Variants in NIBAN1 observed in about 807,000 individuals in gnomAD.
NIBAN1 encodes niban apoptosis regulator 1, also known as protein Niban 1.
NIBAN1 carries 81 observed loss-of-function variants against 75.1 expected under a neutral mutation model. The ratio of observed to expected loss-of-function variants is 1.08; its 90% CI spans 0.90 to 1.30. The LOEUF (loss-of-function observed/expected upper bound fraction) is 1.30, where lower values mean the gene tolerates loss of function less well. Among genes scored for constraint, NIBAN1 ranks in the 50% most tolerant of loss-of-function variants. NIBAN1 has a pLI of 0.00. For missense variants in NIBAN1, 1,133 were observed against 1,128.1 expected, an observed-to-expected ratio of 1.00 and a Z score of -0.06; for synonymous variants, 436 against 424.8, an observed-to-expected ratio of 1.03 and a Z score of -0.32.
intron 1 of NIBAN1, among the ~76,000 whole-genome samples, chr1:184,904,346 A>G (rs1657033121): frequency 6.6e-6 from 1 of 152,086 alleles, no homozygotes; most frequent in African/African-American, 2.4e-5. Flanking sequence ...TTTTCTTTAT[A>G]AATTACCCAG....
intron 9 of NIBAN1, among the ~76,000 whole-genome samples, chr1:184,810,963 C>T (rs1654360138): frequency 6.6e-6 from 1 of 152,246 alleles, no homozygotes. Flanking sequence ...ATTGATCTCT[C>T]AGAGCGGCTG....
chr1:184,957,085 T>A (rs906490424), intron 1 of NIBAN1, among the ~76,000 whole-genome samples: 48 of 152,112 alleles, frequency 3.2e-4, no homozygotes, highest in Non-Finnish European at 8.8e-5. Context: ...ACAAAAAGAC[T>A]CCCACCATCG....
Position 184,792,243 on chromosome 1 carries a change from A to G in NIBAN1, c.*2734T>C, listed in dbSNP as rs529170823. The G allele has an allele frequency of 2.0e-5, 3 of 152,338 alleles. No homozygotes were observed. Among genetic ancestry groups the G allele is most frequent in the African/African-American group, 4.8e-5 (2 of 41,570 alleles). 9.4% of individuals were successfully genotyped at this position (152,338 alleles called of 1,614,324 possible). On this transcript the variant is annotated 3_prime_UTR_variant, in exon 14 of 14. Transcript: ENST00000367511. ...GGTGTAAGCTACCACATCCAGCCCAAAAACTTGTCTTTAGTGAAATATGTA... is the reference window on the plus strand; with the variant it reads ...GGTGTAAGCTACCACATCCAGCCCAGAAACTTGTCTTTAGTGAAATATGTA...
chr1:184,815,962 T>C (rs1410466689), intron 9 of NIBAN1, among the ~76,000 whole-genome samples: 1 of 152,216 alleles, frequency 6.6e-6, no homozygotes, highest in Non-Finnish European at 1.5e-5. Flanking sequence ...ATACTTTAAA[T>C]TCTCTTGTGA....
chr1:184,813,001 T>A (rs1557873756), intron 9 of NIBAN1, among the ~76,000 whole-genome samples: 1 of 152,210 alleles, frequency 6.6e-6, no homozygotes, highest in Non-Finnish European at 1.5e-5. Context: ...ATAAGAAATT[T>A]TAAAAATACT....
intron 9 of NIBAN1, among the ~76,000 whole-genome samples, chr1:184,811,771 C>A (rs77059836): frequency 0.086 from 13,043 of 152,116 alleles, 1,804 homozygotes; most frequent in African/African-American, 0.3. Flanking sequence ...GGATTACAGG[C>A]CTGAGCCACT....
chr1:184,830,402 C>T (rs1654965078), intron 6 of NIBAN1, among the ~76,000 whole-genome samples: 1 of 152,066 alleles, frequency 6.6e-6, no homozygotes, highest in African/African-American at 2.4e-5. Flanking sequence ...GGCTGTGCTT[C>T]CCCAAAATAT....
intron 10 of NIBAN1, among the ~76,000 whole-genome samples, chr1:184,807,820 C>A (rs1654248613): frequency 6.6e-6 from 1 of 152,174 alleles, no homozygotes; most frequent in African/African-American, 2.4e-5. Flanking sequence ...GGTTACAGCA[C>A]TGATTTGACA....
intron 1 of NIBAN1, among the ~76,000 whole-genome samples, chr1:184,915,308 TTA>T (rs1332166447): frequency 6.6e-6 from 1 of 152,240 alleles, no homozygotes; most frequent in Non-Finnish European, 1.5e-5. Context: ...GGCCAGTTTG[TTA>T]TATTCAATAG....
At chr1:184,892,347 T>A (rs185852917) in intron 3 of NIBAN1, among the ~76,000 whole-genome samples, 1 of 152,174 alleles carries the variant, frequency 6.6e-6, no homozygotes. Context: ...CAAGGGCGCC[T>A]ATCTAGTAAG....
intron 9 of NIBAN1, among the ~76,000 whole-genome samples, chr1:184,814,778 G>A (rs1654481305): frequency 6.6e-6 from 1 of 152,142 alleles, no homozygotes; most frequent in Non-Finnish European, 1.5e-5. Context: ...GAACTCCATG[G>A]TCTAAGTCAA....
At chr1:184,914,393 T>A (rs1657326679) in intron 1 of NIBAN1, among the ~76,000 whole-genome samples, 1 of 152,152 alleles carries the variant, frequency 6.6e-6, no homozygotes, top group South Asian at 2.1e-4. Flanking sequence ...AAACATCACA[T>A]GCTAACAAAT....
chr1:184,839,266 T>C (rs1655217503), intron 5 of NIBAN1, among the ~76,000 whole-genome samples: 1 of 152,238 alleles, frequency 6.6e-6, no homozygotes, highest in South Asian at 2.1e-4. Context: ...AGTCCTGTTA[T>C]AACAGTTTAT....
intron 1 of NIBAN1, among the ~76,000 whole-genome samples, chr1:184,922,117 T>A (rs1045899773): frequency 6.6e-6 from 1 of 152,112 alleles, no homozygotes; most frequent in Non-Finnish European, 1.5e-5. Flanking sequence ...TTAATTTTTG[T>A]GGGTCCATAG....
intron 5 of NIBAN1, among the ~76,000 whole-genome samples, chr1:184,860,024 G>A (rs1349244324): frequency 6.6e-6 from 1 of 152,180 alleles, no homozygotes; most frequent in Non-Finnish European, 1.5e-5. Flanking sequence ...TTGGGAAGTG[G>A]TCATGTCCAT....
chr1:184,877,970 T>C (rs1447282580), intron 5 of NIBAN1, among the ~76,000 whole-genome samples: 2 of 152,150 alleles, frequency 1.3e-5, no homozygotes, highest in Admixed American at 6.5e-5. Flanking sequence ...TTAATGATTG[T>C]TCCAATTTGT....
chr1:184,913,303 T>A (rs79633957), intron 1 of NIBAN1, among the ~76,000 whole-genome samples: 392 of 152,176 alleles, frequency 2.6e-3, no homozygotes, highest in African/African-American at 9.0e-3. Context: ...CCGTTTGCAC[T>A]GCCACCATTA....
At chr1:184,952,549 A>G (rs896528709) in intron 1 of NIBAN1, among the ~76,000 whole-genome samples, 26 of 152,244 alleles carry the variant, frequency 1.7e-4, no homozygotes, top group African/African-American at 6.0e-4. Context: ...TGCTAACACT[A>G]AGGATAGCTA....
chr1:184,879,541 G>A (rs1350875532), intron 5 of NIBAN1, among the ~76,000 whole-genome samples: 1 of 152,024 alleles, frequency 6.6e-6, no homozygotes, highest in African/African-American at 2.4e-5. Flanking sequence ...GCAATAAGCT[G>A]GGGAAAATAG....
Sources: allele counts gnomAD v4.1 joint callset (sites outside exome capture counted in the v4.1 genomes callset), GRCh38; gene constraint gnomAD v4.1.1; transcripts MANE v1.5; gene names NCBI Gene and HGNC (gene_info 2026-07-23, HGNC 2026-07-21).